The following QNG1 variants were observed in gnomAD, a reference collection of about 807,000 sequenced individuals.
QNG1 encodes queuosine 5'-phosphate N-glycosylase/hydrolase.
the QNG1 span, among the ~76,000 whole-genome samples, chr9:83,940,242 A>T: frequency 6.6e-6 from 1 of 152,062 alleles, no homozygotes; most frequent in Non-Finnish European, 1.5e-5. Context: ...CTGTCTCTAC[A>T]AAACATACAA....
the QNG1 span, among the ~76,000 whole-genome samples, chr9:83,954,120 C>G: frequency 4.1e-4 from 63 of 152,044 alleles, no homozygotes; most frequent in African/African-American, 1.4e-3. Flanking sequence ...TCTTGAGCTC[C>G]TGACCTCAGT....
At chr9:83,951,963 T>A in the QNG1 span, among the ~76,000 whole-genome samples, 1 of 151,934 alleles carries the variant, frequency 6.6e-6, no homozygotes. Context: ...TAAAAACACA[T>A]GACTAGTTTG....
At chr9:83,951,762 T>G in the QNG1 span, among the ~76,000 whole-genome samples, 2 of 152,172 alleles carry the variant, frequency 1.3e-5, no homozygotes, top group Non-Finnish European at 1.5e-5. Context: ...ATAGCTCTTC[T>G]TTCACCTATT....
the QNG1 span, among the ~76,000 whole-genome samples, chr9:83,943,156 G>A: frequency 5.3e-5 from 8 of 151,680 alleles, no homozygotes; most frequent in Admixed American, 2.0e-4. Flanking sequence ...CATGACCAGT[G>A]TGGTGAAACC....
At chr9:83,956,547 G>A in the QNG1 span, 1 of 1,479,798 alleles carries the variant, frequency 6.8e-7, no homozygotes, top group Non-Finnish European at 9.1e-7. Flanking sequence ...GCCCTAGGCG[G>A]GTCAAGGTCC....
At chr9:83,942,659 G>A in the QNG1 span, among the ~76,000 whole-genome samples, 1 of 152,196 alleles carries the variant, frequency 6.6e-6, no homozygotes, top group African/African-American at 2.4e-5. Flanking sequence ...TACATTTACA[G>A]TTTGTTTATT....
At chr9:83,950,748 C>T in the QNG1 span, among the ~76,000 whole-genome samples, 1 of 151,700 alleles carries the variant, frequency 6.6e-6, no homozygotes, top group Non-Finnish European at 1.5e-5. Flanking sequence ...TATAGGTGTT[C>T]ACCACCAAGG....
chr9:83,949,622 G>A, the QNG1 span, among the ~76,000 whole-genome samples: 9 of 151,770 alleles, frequency 5.9e-5, no homozygotes, highest in Admixed American at 2.0e-4. Context: ...CTCCAGCCTC[G>A]GCAACAAGAA....
chr9:83,938,507 A>G, the QNG1 span: 14 of 152,118 alleles, frequency 9.2e-5, no homozygotes, highest in African/African-American at 3.4e-4. Context: ...TCTTTTTTAT[A>G]CCAAATGATT....
chr9:83,954,143 C>G, the QNG1 span, among the ~76,000 whole-genome samples: 1 of 152,094 alleles, frequency 6.6e-6, no homozygotes, highest in Non-Finnish European at 1.5e-5. Flanking sequence ...ATCCACCTAC[C>G]TAGGCCTCCC....
At chr9:83,956,617 C>T in the QNG1 span, 3 of 837,434 alleles carry the variant, frequency 3.6e-6, no homozygotes, top group Admixed American at 3.1e-5. Context: ...AGGTCCCGCC[C>T]TGCCAGGGAG....
chr9:83,944,454 A>C, the QNG1 span, among the ~76,000 whole-genome samples: 1 of 152,176 alleles, frequency 6.6e-6, no homozygotes, highest in Non-Finnish European at 1.5e-5. Flanking sequence ...ACCTACCTTC[A>C]TATAACCATG....
At chr9:83,955,628 G>T in the QNG1 span, 18 of 1,611,558 alleles carry the variant, frequency 1.1e-5, no homozygotes, top group Admixed American at 2.8e-4. Flanking sequence ...CGAGGCACTA[G>T]TTATTGGTAT....
chr9:83,947,748 C>T, the QNG1 span, among the ~76,000 whole-genome samples: 2 of 152,230 alleles, frequency 1.3e-5, no homozygotes, highest in South Asian at 2.1e-4. Context: ...CTCCTGACCG[C>T]GAGTGATCTG....
chr9:83,955,310 G>A, the QNG1 span: 7 of 1,497,188 alleles, frequency 4.7e-6, no homozygotes, highest in Non-Finnish European at 5.4e-6. Flanking sequence ...TTCTTAAAAT[G>A]AGTTCTGGAA....
the QNG1 span, chr9:83,953,792 CG>C: frequency 6.5e-7 from 1 of 1,548,032 alleles, no homozygotes. Flanking sequence ...AAACAAAATC[CG>C]GGTGCAGCCT....
chr9:83,953,317 G>A, the QNG1 span, among the ~76,000 whole-genome samples: 3 of 151,944 alleles, frequency 2.0e-5, no homozygotes, highest in African/African-American at 7.3e-5. Flanking sequence ...CTTTATAGCA[G>A]TGTGAGAACA....
chr9:83,938,685 A>AAC, the QNG1 span: 6 of 151,790 alleles, frequency 4.0e-5, no homozygotes, highest in African/African-American at 1.5e-4. Flanking sequence ...AAAAAAAAAA[A>AAC]ACATAAGTCA....
At chr9:83,952,245 A>G in the QNG1 span, among the ~76,000 whole-genome samples, 2 of 152,246 alleles carry the variant, frequency 1.3e-5, no homozygotes, top group East Asian at 3.9e-4. Context: ...CAGCCACCCA[A>G]TGTGTTGGGA....
Sources: gnomAD v4.1 joint callset for allele counts (sites outside exome capture counted in the v4.1 genomes callset) on GRCh38, gnomAD v4.1.1 for gene constraint, MANE v1.5 for transcripts, NCBI Gene and HGNC (gene_info 2026-07-23, HGNC 2026-07-21) for gene names.